Variants in ADARB2 observed in about 807,000 individuals in gnomAD.
The protein encoded by ADARB2 is adenosine deaminase RNA specific B2 (inactive), also known as inactive double-stranded RNA-specific editase B2.
A neutral mutation model predicts 62.2 loss-of-function variants in ADARB2; 25 were observed. The ratio of observed to expected loss-of-function variants is 0.40; its 90% CI spans 0.29 to 0.56. ADARB2 has a LOEUF of 0.56. Among genes scored for constraint, ADARB2 ranks in the 20% least tolerant of loss-of-function variants. ADARB2 has a pLI of 0.43. For missense variants in ADARB2, 1,071 were observed against 1,077.4 expected (o/e 0.99, Z 0.08); for synonymous variants, 572 against 500.8 (o/e 1.14, Z -1.90).
At chr10:1,382,706 C>CTT (rs35629334) in intron 1 of ADARB2, among the ~76,000 whole-genome samples, 318 of 143,156 alleles carry the variant, frequency 2.2e-3, no homozygotes, top group Middle Eastern at 0.011. Flanking sequence ...GGATGCCATA[C>CTT]TTTTTTTTTT....
intron 1 of ADARB2, among the ~76,000 whole-genome samples, chr10:1,619,106 T>A (rs1833678266): frequency 6.6e-6 from 1 of 152,038 alleles, no homozygotes. Flanking sequence ...GAGAGACATG[T>A]GGAAAATAAA....
intron 3 of ADARB2, among the ~76,000 whole-genome samples, chr10:1,281,888 A>T (rs1309754675): frequency 6.6e-6 from 1 of 152,252 alleles, no homozygotes; most frequent in East Asian, 1.9e-4. Flanking sequence ...CTAACATTTT[A>T]TAAAGGCAAA....
At chr10:1,577,028 G>A (rs1833030653) in intron 1 of ADARB2, among the ~76,000 whole-genome samples, 1 of 152,170 alleles carries the variant, frequency 6.6e-6, no homozygotes, top group South Asian at 2.1e-4. Flanking sequence ...CTGTCCCCTT[G>A]GGTTCCCATG....
At chr10:1,492,361 C>T (rs948252359) in intron 1 of ADARB2, among the ~76,000 whole-genome samples, 15 of 152,018 alleles carry the variant, frequency 9.9e-5, no homozygotes, top group Admixed American at 5.2e-4. Flanking sequence ...GACCCCACTG[C>T]GGTAGAGTGG....
At chr10:1,441,822 G>T (rs562228932) in intron 1 of ADARB2, among the ~76,000 whole-genome samples, 1 of 152,280 alleles carries the variant, frequency 6.6e-6, no homozygotes, top group Admixed American at 6.5e-5. Context: ...TGAGGGAATT[G>T]AGCTTAGAGA....
intron 1 of ADARB2, among the ~76,000 whole-genome samples, chr10:1,563,548 C>A (rs560980480): frequency 1.3e-5 from 2 of 152,090 alleles, no homozygotes; most frequent in East Asian, 3.9e-4. Flanking sequence ...ACTATAATCG[C>A]GCCAGTTTAT....
chr10:1,282,396 G>A (rs75032341), intron 3 of ADARB2, among the ~76,000 whole-genome samples: 1 of 152,152 alleles, frequency 6.6e-6, no homozygotes, highest in African/African-American at 2.4e-5. Flanking sequence ...TGTGCCACAG[G>A]TATTTTAAGT....
chr10:1,666,090 G>A (rs1028137093), intron 1 of ADARB2, among the ~76,000 whole-genome samples: 1 of 143,720 alleles, frequency 7.0e-6, no homozygotes, highest in Non-Finnish European at 1.5e-5. Flanking sequence ...GGGTGGGCAG[G>A]GATTACTTAG....
chr10:1,675,774 G>A (rs938797500), intron 1 of ADARB2, among the ~76,000 whole-genome samples: 1 of 152,158 alleles, frequency 6.6e-6, no homozygotes, highest in Non-Finnish European at 1.5e-5. Context: ...CTCTGAGCTG[G>A]TGATGTCTCA....
At chr10:1,504,068 C>T (rs1317112226) in intron 1 of ADARB2, among the ~76,000 whole-genome samples, 1 of 152,218 alleles carries the variant, frequency 6.6e-6, no homozygotes, top group South Asian at 2.1e-4. Context: ...CAATCCTTCA[C>T]TCTGCCAGTA....
intron 1 of ADARB2, among the ~76,000 whole-genome samples, chr10:1,591,553 T>A (rs1201378631): frequency 6.6e-6 from 1 of 152,106 alleles, no homozygotes; most frequent in Non-Finnish European, 1.5e-5. Flanking sequence ...CTGTCTTCAG[T>A]GTCTGTGCAA....
At chr10:1,289,702 C>T (rs1831446961) in intron 3 of ADARB2, among the ~76,000 whole-genome samples, 1 of 152,282 alleles carries the variant, frequency 6.6e-6, no homozygotes, top group Admixed American at 6.5e-5. Flanking sequence ...TCTATGCAGG[C>T]CTCATACCAC....
intron 1 of ADARB2, among the ~76,000 whole-genome samples, chr10:1,560,175 G>GT (rs1425728071): frequency 6.6e-6 from 1 of 152,146 alleles, no homozygotes; most frequent in Non-Finnish European, 1.5e-5. Context: ...AGAGCCAAAT[G>GT]TTTGTGTTTT....
At chr10:1,419,101 T>TC (rs1554761577) in intron 1 of ADARB2, among the ~76,000 whole-genome samples, 1 of 151,184 alleles carries the variant, frequency 6.6e-6, no homozygotes, top group African/African-American at 2.4e-5. Context: ...TGTGTCTTTT[T>TC]TTTCTTTTTG....
At chr10:1,253,481 T>C (rs539224786) in intron 4 of ADARB2, among the ~76,000 whole-genome samples, 1 of 152,358 alleles carries the variant, frequency 6.6e-6, no homozygotes, top group Non-Finnish European at 1.5e-5. Context: ...TCGCTTGCTT[T>C]AAAGTATCAA....
At chr10:1,432,196 C>CTGAATGAA (rs139036634) in intron 1 of ADARB2, among the ~76,000 whole-genome samples, 1 of 151,844 alleles carries the variant, frequency 6.6e-6, no homozygotes, top group Non-Finnish European at 1.5e-5. Context: ...GAGATAGTAA[C>CTGAATGAA]TGAATGAATG....
intron 1 of ADARB2, among the ~76,000 whole-genome samples, chr10:1,387,526 A>G (rs1461401074): frequency 6.6e-6 from 1 of 152,026 alleles, no homozygotes; most frequent in Non-Finnish European, 1.5e-5. Context: ...ACATTCTTTG[A>G]AAGGCAAAAA....
At chr10:1,403,617 G>C (rs2131873688) in intron 1 of ADARB2, among the ~76,000 whole-genome samples, 1 of 152,212 alleles carries the variant, frequency 6.6e-6, no homozygotes, top group East Asian at 1.9e-4. Context: ...TGAGGGGCCC[G>C]GCAGCTGCCC....
At chr10:1,707,840 C>T (rs1344688668) in intron 1 of ADARB2, among the ~76,000 whole-genome samples, 1 of 152,196 alleles carries the variant, frequency 6.6e-6, no homozygotes, top group African/African-American at 2.4e-5. Flanking sequence ...CTGATTGGTC[C>T]TCTGCTTGTT....
Sources: allele counts gnomAD v4.1 joint callset (sites outside exome capture counted in the v4.1 genomes callset), GRCh38; gene constraint gnomAD v4.1.1; transcripts MANE v1.5; gene names NCBI Gene and HGNC (gene_info 2026-07-23, HGNC 2026-07-21).